Variants in STOX2 observed in about 807,000 individuals in gnomAD.
STOX2 encodes storkhead box 2, also known as storkhead-box protein 2.
A neutral mutation model predicts 60.9 loss-of-function variants in STOX2; 28 were observed. That is an observed-to-expected ratio of 0.46 (90% confidence interval 0.34 to 0.63). The LOEUF (loss-of-function observed/expected upper bound fraction) is 0.63, where lower values mean the gene tolerates loss of function less well. Ranked by LOEUF, STOX2 falls within the 30% of genes least tolerant of loss-of-function variation. STOX2 has a pLI of 0.01. For missense variants in STOX2, 1,024 were observed against 1,187.7 expected, an observed-to-expected ratio of 0.86 and a Z score of 2.03; for synonymous variants, 472 against 463.9, an observed-to-expected ratio of 1.02 and a Z score of -0.22.
At position 184,022,202 on chromosome 4, in the gene STOX2, T is replaced by G. The variant is rs1734617735; in HGVS notation, c.*4918T>G. On this transcript the variant is annotated 3_prime_UTR_variant, in exon 4 of 4. Transcript: ENST00000308497. Reference sequence around the variant, plus strand: ...CTTATGGTATTAAGGATACATCCAGTATTTTCCCACAGATTTTTATTCAGG... The same window carrying G: ...CTTATGGTATTAAGGATACATCCAGGATTTTCCCACAGATTTTTATTCAGG... 6.6e-6 allele frequency: 1 copy of G among 152,246 alleles called. No individual in the cohort carries two copies. The highest frequency in any genetic ancestry group is 2.1e-4 in the South Asian group (1 of 4,828). 9.4% of individuals were successfully genotyped at this position (152,246 alleles called of 1,614,324 possible).
intron 1 of STOX2, among the ~76,000 whole-genome samples, chr4:183,919,803 C>T (rs952399382): frequency 1.3e-5 from 2 of 152,004 alleles, no homozygotes; most frequent in East Asian, 1.9e-4. Flanking sequence ...TGGGTCTTGC[C>T]GTGTTACCCA....
In STOX2 at chr4:184,009,315, T is replaced by C. The variant is rs549324268; in HGVS notation, c.477T>C (p.His159=). 6.8e-6 allele frequency: 11 copies of C among 1,613,968 alleles called. No individual in the cohort carries two copies. In the East Asian group the frequency reaches 2.2e-4, roughly 33 times the overall value. The change falls in exon 3 of 4, where the codon CAT becomes CAC. Residue 159 remains histidine (H), a synonymous_variant. Coordinates refer to ENST00000308497, the MANE Select transcript of STOX2 (RefSeq NM_020225.3). This position sits in a 1 kb window ranked among gnomAD's most constrained non-coding sequence, Gnocchi z 4.0. ...TAAGAACTAACAGTAAATGGTACCA[T>C]TTGGACGAGAGGATACCTGACCGGT... The part of the protein sequence containing the change: ...SLIRTNSKWY[H]LDERIPDRSQ...
intron 1 of STOX2, among the ~76,000 whole-genome samples, chr4:183,964,914 T>C (rs1222741815): frequency 6.6e-6 from 1 of 152,192 alleles, no homozygotes; most frequent in Non-Finnish European, 1.5e-5. Context: ...TGAAACGTTA[T>C]GAAAAATTAC....
chr4:184,000,062 G>T (rs1020023063), intron 1 of STOX2, among the ~76,000 whole-genome samples: 1 of 152,178 alleles, frequency 6.6e-6, no homozygotes, highest in African/African-American at 2.4e-5. Flanking sequence ...TTGATAGTTT[G>T]CATCCTCCTC....
At position 184,011,584 on chromosome 4, in the gene STOX2, C is replaced by A; in HGVS notation, c.2585+161C>A. The A allele has an allele frequency of 6.5e-7, 1 of 1,535,422 alleles. No homozygotes were observed. On this transcript the variant is annotated intron_variant, in intron 3 of 3. Transcript: ENST00000308497. The surrounding 1 kb of genome is among the most constrained non-coding windows in gnomAD (Gnocchi z 4.4). ...AACAATCTGTTTCTGACTTCTTTTT[C>A]AGGAATTGAAAAAAATGTTTCTGCA...
chr4:183,827,400 G>A (rs1739459859), intron 1 of STOX2, among the ~76,000 whole-genome samples: 2 of 152,118 alleles, frequency 1.3e-5, no homozygotes, highest in Non-Finnish European at 2.9e-5. Context: ...GTTGAGGCGT[G>A]AGGATTGCTT....
Position 184,009,066 on chromosome 4 carries a change from C to A in STOX2, c.320-92C>A. The A allele has an allele frequency of 1.0e-6, 1 of 990,092 alleles. No individual in the cohort carries two copies. The highest frequency in any genetic ancestry group is 1.5e-6 in the Non-Finnish European group (1 of 680,996). The allele number at this position is 990,092 out of a possible 1,614,324, so 61.3% of individuals were successfully genotyped here. On this transcript the variant is annotated intron_variant, in intron 2 of 3. Coordinates refer to ENST00000308497, the MANE Select transcript of STOX2 (RefSeq NM_020225.3). The surrounding 1 kb of genome is among the most constrained non-coding windows in gnomAD (Gnocchi z 4.0). ...GCATCCTAGCTCTGTGATGGTACTTCGCATCTTGGCGAATGAATAGGATCC... is the reference window on the plus strand; with the variant it reads ...GCATCCTAGCTCTGTGATGGTACTTAGCATCTTGGCGAATGAATAGGATCC...
chr4:183,964,023 C>T (rs184652795), intron 1 of STOX2, among the ~76,000 whole-genome samples: 1,676 of 152,258 alleles, frequency 0.011, 41 homozygotes, highest in African/African-American at 0.038. Context: ...CATCTGCCTT[C>T]CTCGGCCTCC....
intron 1 of STOX2, among the ~76,000 whole-genome samples, chr4:183,828,679 A>G (rs1446022212): frequency 6.6e-6 from 1 of 152,224 alleles, no homozygotes; most frequent in African/African-American, 2.4e-5. Context: ...GGCTCTTGGT[A>G]CTGAAAATGT....
intron 1 of STOX2, among the ~76,000 whole-genome samples, chr4:183,899,428 C>T (rs555869198): frequency 3.9e-5 from 6 of 152,196 alleles, no homozygotes; most frequent in South Asian, 2.1e-4. Flanking sequence ...ATGAATGCCA[C>T]GAAAAGTTGT....
intron 1 of STOX2, among the ~76,000 whole-genome samples, chr4:183,941,309 T>C (rs1742747602): frequency 6.6e-6 from 1 of 152,238 alleles, no homozygotes; most frequent in Non-Finnish European, 1.5e-5. Context: ...GGCTCACACC[T>C]GTAATCCCAG....
chr4:183,988,953 A>G (rs1001913875), intron 1 of STOX2, among the ~76,000 whole-genome samples: 2 of 152,154 alleles, frequency 1.3e-5, no homozygotes, highest in African/African-American at 4.8e-5. Context: ...CCTCAATCTT[A>G]GGCAGTCCAG....
rs572976526 is a variant in STOX2, at chr4:183,818,765, G to A, written c.364+20710G>A. Among the ~76,000 whole-genome samples the A allele has an allele frequency of 2.0e-4, 30 of 150,196 alleles. No homozygotes were observed. The South Asian group carries it at 2.8e-3, about 14-fold the overall frequency. On this transcript the variant is annotated intron_variant, in intron 1 of 2. Coordinates refer to the STOX2 transcript ENST00000513034. ...CTCCTGGACAGGGCGGCTGCTGGGC[G>A]GAGACGCTCCCCACCTCCCAGACGG...
intron 1 of STOX2, among the ~76,000 whole-genome samples, chr4:183,849,883 G>T (rs1477070210): frequency 6.6e-6 from 1 of 152,052 alleles, no homozygotes. Context: ...CCAATTTCTG[G>T]TTGATTCTTC....
intron 1 of STOX2, among the ~76,000 whole-genome samples, chr4:183,834,883 C>T (rs73870915): frequency 0.084 from 12,759 of 152,162 alleles, 1,732 homozygotes; most frequent in African/African-American, 0.29. Flanking sequence ...TCTTTGTGAT[C>T]CAAGGTTACT....
chr4:183,948,034 T>C (rs1484461450), intron 1 of STOX2, among the ~76,000 whole-genome samples: 1 of 151,848 alleles, frequency 6.6e-6, no homozygotes, highest in Non-Finnish European at 1.5e-5. Context: ...CTGGCCAACA[T>C]GGTGAAACCC....
Position 183,806,558 on chromosome 4 carries a change from T to C in STOX2, c.364+8503T>C, listed in dbSNP as rs1427746224. On this transcript the variant is annotated intron_variant, in intron 1 of 2. Coordinates refer to the STOX2 transcript ENST00000513034. This position sits in a 1 kb window ranked among gnomAD's most constrained non-coding sequence, Gnocchi z 4.1. ...CGGCGGTGCTGGCTGGAAGGCTGGC[T>C]TCCCAGAGCAGTGACCCGCTGTGGC... Among the ~76,000 whole-genome samples the C allele has an allele frequency of 1.3e-5, 2 of 152,154 alleles. No homozygotes were observed. The highest frequency in any genetic ancestry group is 2.9e-5 in the Non-Finnish European group (2 of 68,026).
At chr4:183,946,412 G>C (rs571132314) in intron 1 of STOX2, among the ~76,000 whole-genome samples, 1 of 152,070 alleles carries the variant, frequency 6.6e-6, no homozygotes, top group Admixed American at 6.5e-5. Flanking sequence ...CATGAGGAGG[G>C]GGGGTTGGGC....
chr4:183,998,475 G>A (rs540501566), intron 1 of STOX2, among the ~76,000 whole-genome samples: 1 of 152,290 alleles, frequency 6.6e-6, no homozygotes, highest in African/African-American at 2.4e-5. Flanking sequence ...AGTCAAACAG[G>A]TGAACTTCCC....
Sources: allele counts gnomAD v4.1 joint callset (sites outside exome capture counted in the v4.1 genomes callset), GRCh38; gene constraint gnomAD v4.1.1; non-coding constraint Gnocchi (gnomAD v3.1); transcripts MANE v1.5; gene names NCBI Gene and HGNC (gene_info 2026-07-23, HGNC 2026-07-21).